Variants in OSBPL1A observed in about 807,000 individuals in gnomAD.
The protein encoded by OSBPL1A is oxysterol-binding protein-related protein 1.
A neutral mutation model predicts 137.1 loss-of-function variants in OSBPL1A; 80 were observed. That is an observed-to-expected ratio of 0.58 (90% CI 0.49 to 0.70). The LOEUF (loss-of-function observed/expected upper bound fraction) is 0.70. Among genes scored for constraint, OSBPL1A ranks in the 30% least tolerant of loss-of-function variants. The probability of loss-of-function intolerance (pLI) is 0.00; values close to 1 mark genes in which losing one functional copy is unlikely to be tolerated. For missense variants in OSBPL1A, 970 were observed against 1,129.4 expected (o/e 0.86, Z 2.02); for synonymous variants, 365 against 389.7 (o/e 0.94, Z 0.75).
chr18:24,191,947 AAC>A (rs2086901159), intron 18 of OSBPL1A, among the ~76,000 whole-genome samples: 2 of 152,270 alleles, frequency 1.3e-5, no homozygotes, highest in African/African-American at 4.8e-5. Flanking sequence ...GTATTTATTT[AAC>A]AGAATGACAG....
chr18:24,184,309 C>T lies in OSBPL1A; in HGVS notation c.1678-3030G>A, dbSNP rs1029880308. Among the ~76,000 whole-genome samples the T allele has an allele frequency of 5.3e-5, 8 of 152,278 alleles. No individual in the cohort carries two copies. The Middle Eastern group carries it at 0.01, about 194-fold the overall frequency. On this transcript the variant is annotated intron_variant, in intron 18 of 27. Transcript: ENST00000319481. ...TGCATGACAGTCAACATCTCTGATGCTAAAAGAGGTGTATTATTCCCAATT... is the reference window on the plus strand; with the variant it reads ...TGCATGACAGTCAACATCTCTGATGTTAAAAGAGGTGTATTATTCCCAATT...
intron 15 of OSBPL1A, among the ~76,000 whole-genome samples, chr18:24,239,829 G>A (rs905156956): frequency 1.3e-5 from 2 of 151,388 alleles, no homozygotes; most frequent in African/African-American, 4.9e-5. Context: ...TAATCCCTCA[G>A]TTTACTCCCA....
At position 24,170,245 on chromosome 18, in the gene OSBPL1A, C is replaced by A. The variant is rs77748920; in HGVS notation, c.2418+82G>T. On this transcript the variant is annotated intron_variant, in intron 24 of 27. Transcript: ENST00000319481. Reference sequence around the variant, plus strand: ...GGAAGAAGAAAGTTAAACTGTGACCCTAGAACAGGCCACCTCCAAAAGGAT... The same window carrying A: ...GGAAGAAGAAAGTTAAACTGTGACCATAGAACAGGCCACCTCCAAAAGGAT... 2,401 of 1,511,558 alleles carry A rather than the reference C, an allele frequency of 1.6e-3. 35 individuals carry two copies. The African/African-American group carries it at 0.03, about 19-fold the overall frequency. 93.6% of individuals were successfully genotyped at this position (1,511,558 alleles called of 1,614,324 possible).
At chr18:24,312,143 C>T (rs755159408) in intron 12 of OSBPL1A, 37 bp from the exon 13 acceptor site, 23 of 1,607,624 alleles carry the variant, frequency 1.4e-5, no homozygotes, top group Non-Finnish European at 2.0e-5. Context: ...GAGTGAAAAG[C>T]ATTTTTATTC....
rs750179840 is a variant in OSBPL1A at position 24,166,657 on chromosome 18, T to C, written c.2581A>G (p.Lys861Glu). The C allele has an allele frequency of 6.2e-7, 1 of 1,613,068 alleles. No individual in the cohort carries two copies. The highest frequency in any genetic ancestry group is 1.1e-5 in the South Asian group (1 of 90,868). ...SFAMVLNEVD[K>E]DMESVIPKTD... ...TTGGGAATCACACTCTCCATGTCTT[T>C]GTCTACTTCATTCAAAACCATTGCA... The change falls in exon 26 of 28, where the codon AAA becomes GAA. Residue 861 changes from lysine to glutamate, a missense_variant. Lys to Glu is a moderately conservative substitution (Grantham distance 56). Transcript: ENST00000319481.
rs986009556 is a variant in OSBPL1A at position 24,298,261 on chromosome 18, G to A, written c.1174+5376C>T. ...TCATGAAGAAATAACCATAAAAATG[G>A]GCAACCAGCAGCCCTCAGGGCTGCT... On this transcript the variant is annotated intron_variant, in intron 14 of 27. Transcript: ENST00000319481. Among the ~76,000 whole-genome samples, 4 of 152,120 alleles carry A rather than the reference G, an allele frequency of 2.6e-5. No individual in the cohort carries two copies. In the South Asian group the frequency reaches 8.3e-4, roughly 31 times the overall value.
rs558824485 is a variant in OSBPL1A at position 24,378,613 on chromosome 18, C to G, written c.-2-1078G>C. On this transcript the variant is annotated intron_variant, in intron 1 of 27. Coordinates refer to ENST00000319481, the MANE Select transcript of OSBPL1A (RefSeq NM_080597.4). ...GGAAAAGTTAGAAACCACTCCATGT[C>G]ATCAACAGGGGACTGGTTAAATACA... Among the ~76,000 whole-genome samples, 4 of 152,286 alleles carry G rather than the reference C, an allele frequency of 2.6e-5. No homozygotes were observed. The South Asian group carries it at 8.3e-4, about 32-fold the overall frequency.
intron 14 of OSBPL1A, among the ~76,000 whole-genome samples, chr18:24,299,370 T>C (rs550352742): frequency 1.3e-5 from 2 of 152,216 alleles, no homozygotes; most frequent in East Asian, 1.9e-4. Context: ...TTGGTACATA[T>C]TGAGCTTTTG....
rs1905325300 is a variant in OSBPL1A, at chr18:24,368,284, G to C, written c.207+3C>G. 3 of 1,600,908 alleles carry C rather than the reference G, an allele frequency of 1.9e-6. No individual in the cohort carries two copies. The highest frequency in any genetic ancestry group is 2.6e-6 in the Non-Finnish European group (3 of 1,169,546). ...TCATTAAAAATTAAAGTCATAAATA[G>C]ACCTTCAACAGATCCTGGACCACTT... On this transcript the variant is annotated splice_donor_region_variant and intron_variant, in intron 3 of 27. Transcript: ENST00000319481.
intron 15 of OSBPL1A, among the ~76,000 whole-genome samples, chr18:24,269,259 A>C (rs1462361650): frequency 9.2e-5 from 14 of 152,206 alleles, no homozygotes; most frequent in Admixed American, 9.2e-4. Context: ...TAACTGCCCA[A>C]GATAAGTTTC....
At chr18:24,169,336 G>T (rs2086216714) in intron 24 of OSBPL1A, among the ~76,000 whole-genome samples, 1 of 152,156 alleles carries the variant, frequency 6.6e-6, no homozygotes, top group Non-Finnish European at 1.5e-5. Context: ...ACATGCATAA[G>T]AAACGCTAAA....
Position 24,271,585 on chromosome 18 carries a change from C to T in OSBPL1A, c.1281+9257G>A. ...GGCGTCCTCCGTGGCCCCAGGCTGC[C>T]CCGCAAAGCCACCGAGCTGCAAATA... is the stretch of plus-strand genomic sequence containing the variant. On this transcript the variant is annotated intron_variant, in intron 15 of 27. Transcript: ENST00000319481. The surrounding 1 kb of genome is among the most constrained non-coding windows in gnomAD (Gnocchi z 4.0). 1 of 987,084 alleles carries T rather than the reference C, an allele frequency of 1.0e-6. No individual in the cohort carries two copies. Among genetic ancestry groups the T allele is most frequent in the Non-Finnish European group, 1.2e-6 (1 of 831,320 alleles). 61.1% of individuals were successfully genotyped at this position (987,084 alleles called of 1,614,324 possible).
At chr18:24,173,050 A>G (rs2145912599) in intron 21 of OSBPL1A, among the ~76,000 whole-genome samples, 1 of 152,332 alleles carries the variant, frequency 6.6e-6, no homozygotes, top group East Asian at 1.9e-4. Context: ...CACATACACC[A>G]TGGAATACTA....
intron 17 of OSBPL1A, among the ~76,000 whole-genome samples, chr18:24,210,335 G>C (rs1191059724): frequency 6.6e-6 from 1 of 152,082 alleles, no homozygotes; most frequent in Admixed American, 6.5e-5. Context: ...TGAGGCAGGA[G>C]AATCACTTGA....
chr18:24,178,545 C>G (rs1164820340), intron 20 of OSBPL1A, among the ~76,000 whole-genome samples: 1 of 152,208 alleles, frequency 6.6e-6, no homozygotes, highest in Non-Finnish European at 1.5e-5. Context: ...CCCACCTCAG[C>G]CTCCCAAAGT....
rs1410996877 is a variant in OSBPL1A, at chr18:24,179,790, G to A, written c.1858C>T (p.Arg620Trp). 3.1e-6 allele frequency: 5 copies of A among 1,614,080 alleles called. No individual in the cohort carries two copies. The highest frequency in any genetic ancestry group is 4.2e-6 in the Non-Finnish European group (5 of 1,180,008). Residue 620 changes from arginine (R) to tryptophan (W), a missense_variant, in exon 20 of 28, where the codon CGG becomes TGG. Physicochemically the swap from Arg to Trp is moderately radical, Grantham distance 101 (BLOSUM62 -3). Coordinates refer to ENST00000319481, the MANE Select transcript of OSBPL1A (RefSeq NM_080597.4). ...AVSAVASQWE[R>W]TGKPFNPLLG... ...AGTGGGTTGAAAGGTTTTCCAGTCC[G>A]TTCCCACTGAGAAGCAACAGCAGAT...
chr18:24,234,221 CATG>C (rs2088370174), intron 16 of OSBPL1A, among the ~76,000 whole-genome samples: 1 of 152,152 alleles, frequency 6.6e-6, no homozygotes, highest in Admixed American at 6.5e-5. Context: ...AGTGGTTTCT[CATG>C]ATATCTTTTT....
chr18:24,288,151 A>C (rs1409259298), intron 14 of OSBPL1A, among the ~76,000 whole-genome samples: 1 of 152,250 alleles, frequency 6.6e-6, no homozygotes, highest in Non-Finnish European at 1.5e-5. Context: ...GTCTTAGAGA[A>C]GTCAAGGAGG....
intron 2 of OSBPL1A, among the ~76,000 whole-genome samples, chr18:24,376,674 A>AGGGGGT (rs1384370740): frequency 6.6e-6 from 1 of 152,122 alleles, no homozygotes; most frequent in Non-Finnish European, 1.5e-5. Context: ...GAGCCCATGG[A>AGGGGGT]GGGGGTGGGA....
Sources: allele counts gnomAD v4.1 joint callset (sites outside exome capture counted in the v4.1 genomes callset), GRCh38; gene constraint gnomAD v4.1.1; non-coding constraint Gnocchi (gnomAD v3.1); transcripts MANE v1.5; gene names NCBI Gene and HGNC (gene_info 2026-07-23, HGNC 2026-07-21).